The following NTNG1 variants were observed in gnomAD, a reference collection of about 807,000 sequenced individuals.
NTNG1 encodes the protein netrin-G1.
Under a neutral mutation model 54.0 loss-of-function variants are expected in NTNG1, and 16 were observed. That is an observed-to-expected ratio of 0.30 (90% CI 0.20 to 0.45). NTNG1 has a LOEUF of 0.45. Among genes scored for constraint, NTNG1 ranks in the 20% least tolerant of loss-of-function variants. The pLI is 1.00. For synonymous variants in NTNG1, 255 were observed against 263.1 expected (o/e 0.97, Z 0.30); for missense variants, 530 against 678.7 (o/e 0.78, Z 2.43).
At chr1:107,329,132 C>T (rs2101892208) in intron 3 of NTNG1, 1 of 152,250 alleles carries the variant, frequency 6.6e-6, no homozygotes, top group East Asian at 1.9e-4. Flanking sequence ...TTTCTACCTC[C>T]ATTGTTTACC....
intron 7 of NTNG1, among the ~76,000 whole-genome samples, chr1:107,472,668 A>G (rs1454229913): frequency 8.0e-5 from 12 of 150,702 alleles, no homozygotes; most frequent in Admixed American, 7.9e-4. Context: ...CCTTTGCACC[A>G]TACTACCCCT....
chr1:107,286,141 G>A (rs1360187205), intron 2 of NTNG1, among the ~76,000 whole-genome samples: 1 of 152,012 alleles, frequency 6.6e-6, no homozygotes, highest in Non-Finnish European at 1.5e-5. Flanking sequence ...ATTCATCTAG[G>A]AGCCACTCCT....
At chr1:107,347,687 G>A (rs1471178731) in intron 3 of NTNG1, among the ~76,000 whole-genome samples, 2 of 152,056 alleles carry the variant, frequency 1.3e-5, no homozygotes, top group Admixed American at 6.6e-5. Context: ...CCCGAGACTG[G>A]GTAATTTATA....
intron 3 of NTNG1, among the ~76,000 whole-genome samples, chr1:107,389,556 T>C (rs1672235409): frequency 6.6e-6 from 1 of 152,222 alleles, no homozygotes; most frequent in Admixed American, 6.5e-5. Flanking sequence ...ATACAGGAAG[T>C]GCAGATCTGG....
At chr1:107,326,202 T>G (rs144679565) in intron 3 of NTNG1, among the ~76,000 whole-genome samples, 3,625 of 152,186 alleles carry the variant, frequency 0.024, 57 homozygotes, top group South Asian at 0.044. Context: ...TACTCTCAGC[T>G]TTTTCTAGCT....
chr1:107,311,753 C>G (rs1667029132), intron 2 of NTNG1, among the ~76,000 whole-genome samples: 1 of 152,054 alleles, frequency 6.6e-6, no homozygotes, highest in Non-Finnish European at 1.5e-5. Context: ...TGTTTGCACA[C>G]TTGTTATGTG....
At chr1:107,242,402 A>G (rs1416961259) in intron 2 of NTNG1, among the ~76,000 whole-genome samples, 2 of 152,168 alleles carry the variant, frequency 1.3e-5, no homozygotes, top group Non-Finnish European at 2.9e-5. Flanking sequence ...ATTTTTATGA[A>G]GTATATCCAA....
intron 2 of NTNG1, among the ~76,000 whole-genome samples, chr1:107,258,043 G>A (rs755209191): frequency 1.3e-5 from 2 of 152,068 alleles, no homozygotes; most frequent in Non-Finnish European, 2.9e-5. Flanking sequence ...GGACATGTAG[G>A]ATTAAAACAT....
At chr1:107,279,750 C>T (rs1664706422) in intron 2 of NTNG1, among the ~76,000 whole-genome samples, 1 of 152,070 alleles carries the variant, frequency 6.6e-6, no homozygotes, top group Non-Finnish European at 1.5e-5. Context: ...AACAGTATTT[C>T]CTTGGCATTT....
At chr1:107,326,560 A>G (rs1667965926) in intron 3 of NTNG1, among the ~76,000 whole-genome samples, 1 of 152,168 alleles carries the variant, frequency 6.6e-6, no homozygotes, top group Non-Finnish European at 1.5e-5. Flanking sequence ...TGCCACAATG[A>G]AGTAGCAAAT....
intron 2 of NTNG1, among the ~76,000 whole-genome samples, chr1:107,277,369 C>T (rs1664548329): frequency 6.6e-6 from 1 of 152,132 alleles, no homozygotes; most frequent in African/African-American, 2.4e-5. Context: ...ACCCTTGAGG[C>T]AGTAGGGAAT....
rs574147209 is a variant in NTNG1 at position 107,464,497 on chromosome 1, G to A, written c.1391-16114G>A. 4.6e-5 allele frequency among the ~76,000 whole-genome samples: 7 copies of A among 152,258 alleles called. No homozygotes were observed. The East Asian group carries it at 1.2e-3, about 25-fold the overall frequency. The stretch of plus-strand genomic sequence containing the variant: ...GCTAGCGCAGCAGTGACAGGTGGCA[G>A]GAACCTACGGAACGAAGGGTGAATG... On this transcript the variant is annotated intron_variant, in intron 7 of 7. Coordinates refer to ENST00000370068, the MANE Select transcript of NTNG1 (RefSeq NM_001113226.3).
At chr1:107,200,810 A>G (rs1289243271) in intron 2 of NTNG1, among the ~76,000 whole-genome samples, 1 of 151,800 alleles carries the variant, frequency 6.6e-6, no homozygotes, top group Non-Finnish European at 1.5e-5. Context: ...ACAAATATTT[A>G]CCAAATGCTT....
At chr1:107,379,180 G>C (rs1671492254) in intron 3 of NTNG1, among the ~76,000 whole-genome samples, 1 of 152,160 alleles carries the variant, frequency 6.6e-6, no homozygotes, top group African/African-American at 2.4e-5. Flanking sequence ...TTGCAAGGCT[G>C]CTCTTCAGGC....
chr1:107,411,759 T>G (rs1673830894), intron 5 of NTNG1, among the ~76,000 whole-genome samples: 2 of 152,164 alleles, frequency 1.3e-5, no homozygotes, highest in Admixed American at 1.3e-4. Flanking sequence ...TTTGCTGATG[T>G]TCTAGAAGGA....
At chr1:107,232,522 C>T (rs1019583063) in intron 2 of NTNG1, among the ~76,000 whole-genome samples, 16 of 152,188 alleles carry the variant, frequency 1.1e-4, no homozygotes, top group African/African-American at 1.7e-4. Flanking sequence ...AAAATATAAT[C>T]TCCTTTTAAA....
intron 7 of NTNG1, among the ~76,000 whole-genome samples, chr1:107,450,607 A>G (rs1676566955): frequency 6.6e-6 from 1 of 152,138 alleles, no homozygotes; most frequent in Non-Finnish European, 1.5e-5. Context: ...CTACAAAATT[A>G]TGGGATTTAA....
At chr1:107,354,130 G>A (rs1210178481) in intron 3 of NTNG1, among the ~76,000 whole-genome samples, 2 of 151,948 alleles carry the variant, frequency 1.3e-5, no homozygotes, top group African/African-American at 4.8e-5. Context: ...TTTTCTACTT[G>A]GATAACTGAT....
At chr1:107,458,313 A>G (rs1437041508) in intron 7 of NTNG1, among the ~76,000 whole-genome samples, 1 of 152,158 alleles carries the variant, frequency 6.6e-6, no homozygotes, top group Non-Finnish European at 1.5e-5. Flanking sequence ...CCTACTCTGA[A>G]GCCATTAGAG....
Sources: gnomAD v4.1 joint callset for allele counts (sites outside exome capture counted in the v4.1 genomes callset) on GRCh38, gnomAD v4.1.1 for gene constraint, MANE v1.5 for transcripts, NCBI Gene and HGNC (gene_info 2026-07-23, HGNC 2026-07-21) for gene names.